Variants in PRKCB observed in about 807,000 individuals in gnomAD.
The protein encoded by PRKCB is protein kinase C beta type.
PRKCB carries 13 observed loss-of-function variants against 81.5 expected under a neutral mutation model. That is an observed-to-expected ratio of 0.16 (90% CI 0.10 to 0.25). The LOEUF (loss-of-function observed/expected upper bound fraction) is 0.25. Ranked by LOEUF, PRKCB falls within the 10% of genes least tolerant of loss-of-function variation. The probability of loss-of-function intolerance (pLI) is 1.00; values close to 1 mark genes in which losing one functional copy is unlikely to be tolerated. For missense variants in PRKCB, 509 were observed against 875.7 expected (o/e 0.58, Z 5.29); for synonymous variants, 335 against 321.4 (o/e 1.04, Z -0.45).
chr16:23,870,872 G>A (rs1962890855), intron 2 of PRKCB, among the ~76,000 whole-genome samples: 1 of 152,174 alleles, frequency 6.6e-6, no homozygotes, highest in African/African-American at 2.4e-5. Flanking sequence ...TTGCTCGTGT[G>A]TCTTTGGTCA....
In PRKCB at chr16:24,166,951, C is replaced by T. The variant is rs192352180; in HGVS notation, c.1240-5319C>T. On this transcript the variant is annotated intron_variant, in intron 10 of 16. Coordinates refer to ENST00000643927, the MANE Select transcript of PRKCB (RefSeq NM_002738.7). ...GAGCGATCCCCTGATGTGGGGATTC[C>T]GACTAATGAGTCTGGGGGGCAAGCC... is the stretch of plus-strand genomic sequence containing the variant. Among the ~76,000 whole-genome samples the T allele has an allele frequency of 1.5e-3, 228 of 152,040 alleles. 3 individuals are homozygous for T. The highest frequency in any genetic ancestry group is 0.014 in the Middle Eastern group (4 of 294).
At chr16:24,197,372 T>C (rs984604328) in intron 16 of PRKCB, among the ~76,000 whole-genome samples, 2 of 151,926 alleles carry the variant, frequency 1.3e-5, no homozygotes, top group African/African-American at 4.8e-5. Context: ...TGTATATATC[T>C]GGGTGAGGGG....
intron 2 of PRKCB, among the ~76,000 whole-genome samples, chr16:23,867,850 C>G (rs979863687): frequency 1.3e-5 from 2 of 152,166 alleles, no homozygotes; most frequent in Non-Finnish European, 2.9e-5. Flanking sequence ...GCTAACTTTT[C>G]CCTGTTAGCC....
chr16:23,857,114 T>C (rs2141087177), intron 2 of PRKCB, among the ~76,000 whole-genome samples: 1 of 152,340 alleles, frequency 6.6e-6, no homozygotes, highest in South Asian at 2.1e-4. Flanking sequence ...CTTTCAGCTT[T>C]AACATATCAC....
intron 5 of PRKCB, among the ~76,000 whole-genome samples, chr16:24,036,769 C>A (rs758886478): frequency 6.6e-6 from 1 of 152,084 alleles, no homozygotes; most frequent in Non-Finnish European, 1.5e-5. Context: ...GGGGAAATCC[C>A]GCAGTTTCAG....
chr16:24,217,666 C>CG lies in PRKCB; in HGVS notation c.*2854dup, dbSNP rs1164631607. The CG allele has an allele frequency of 9.7e-5, 96 of 985,390 alleles. No individual in the cohort carries two copies. The highest frequency in any genetic ancestry group is 1.1e-4 in the Non-Finnish European group (92 of 830,034). The allele number at this position is 985,390 out of a possible 1,614,324, so 61.0% of individuals were successfully genotyped here. A position where few individuals can be genotyped will look rare whatever the true frequency, so the allele number is the denominator to read the frequency against. On this transcript the variant is annotated 3_prime_UTR_variant, in exon 17 of 17. Transcript: ENST00000643927. The stretch of plus-strand genomic sequence containing the variant: ...CATTAGCCATCACCAGCACAACAAA[C>CG]GGGGCAGGGCTTTCCAAGGTGGGGC...
chr16:23,859,892 A>AGAGC lies in PRKCB; in HGVS notation c.205+22489_205+22490insCGAG, dbSNP rs1221601907. Among the ~76,000 whole-genome samples the AGAGC allele has an allele frequency of 3.4e-4, 51 of 151,648 alleles. No individual in the cohort carries two copies. In the East Asian group the frequency reaches 8.9e-3, roughly 27 times the overall value. The stretch of plus-strand genomic sequence containing the variant: ...AGGAGAGAGAGAGAGAGAAAGAGAG[A>AGAGC]GAGAGAAAGAGAGAGAGCGAGAGAG... On this transcript the variant is annotated intron_variant, in intron 2 of 16. Transcript: ENST00000643927.
rs1968240053 is a variant in PRKCB at position 24,217,115 on chromosome 16, AAAG to A, written c.*2303_*2305del. The stretch of plus-strand genomic sequence containing the variant: ...AAGAAAGGAAAGAAAGAAGAAAAAG[AAAG>A]AAGGAAAGAAAGAAAGAGAAAGGAA... On this transcript the variant is annotated 3_prime_UTR_variant, in exon 17 of 17. Transcript: ENST00000643927. 1.0e-6 allele frequency: 1 copy of A among 984,120 alleles called. No homozygotes were observed. The highest frequency in any genetic ancestry group is 1.2e-6 in the Non-Finnish European group (1 of 828,874). The allele number at this position is 984,120 out of a possible 1,614,324, so 61.0% of individuals were successfully genotyped here. A position where few individuals can be genotyped will look rare whatever the true frequency, so the allele number is the denominator to read the frequency against.
At position 24,217,746 on chromosome 16, in the gene PRKCB, G is replaced by T; in HGVS notation, c.*2930G>T. 2.7e-5 allele frequency: 27 copies of T among 985,440 alleles called. No individual in the cohort carries two copies. The highest frequency in any genetic ancestry group is 3.1e-5 in the Non-Finnish European group (26 of 829,964). The allele number at this position is 985,440 out of a possible 1,614,324, so 61.0% of individuals were successfully genotyped here. A position where few individuals can be genotyped will look rare whatever the true frequency, so the allele number is the denominator to read the frequency against. ...CCACAGGCAGGGAAAGCGAAATAGG[G>T]TTGATGAGACCAGGGGAGACCTAAA... On this transcript the variant is annotated 3_prime_UTR_variant, in exon 17 of 17. Coordinates refer to ENST00000643927, the MANE Select transcript of PRKCB (RefSeq NM_002738.7).
chr16:24,082,288 G>A (rs972952661), intron 5 of PRKCB, among the ~76,000 whole-genome samples: 5 of 152,160 alleles, frequency 3.3e-5, no homozygotes, highest in Admixed American at 2.6e-4. Flanking sequence ...CAAGTCTTAC[G>A]ATTGATTTGT....
chr16:24,170,130 C>A (rs779752915), intron 10 of PRKCB, among the ~76,000 whole-genome samples: 1 of 151,958 alleles, frequency 6.6e-6, no homozygotes, highest in Non-Finnish European at 1.5e-5. Context: ...GCATTTATTG[C>A]CTTTTCTGTG....
intron 16 of PRKCB, among the ~76,000 whole-genome samples, chr16:24,210,275 G>C (rs1322954849): frequency 6.6e-6 from 1 of 152,090 alleles, no homozygotes; most frequent in Non-Finnish European, 1.5e-5. Context: ...TGGCCCCTTG[G>C]TCACTCTGCT....
intron 2 of PRKCB, among the ~76,000 whole-genome samples, chr16:23,972,919 GTAATAGC>G (rs1397031116): frequency 6.6e-6 from 1 of 152,212 alleles, no homozygotes; most frequent in African/African-American, 2.4e-5. Context: ...AACAACAATA[GTAATAGC>G]TAATATTTAT....
At chr16:23,852,392 T>C (rs1337232466) in intron 2 of PRKCB, among the ~76,000 whole-genome samples, 1 of 152,254 alleles carries the variant, frequency 6.6e-6, no homozygotes, top group Admixed American at 6.5e-5. Flanking sequence ...TTTTATCCTT[T>C]ATTTTGTTAA....
At chr16:24,177,826 G>T (rs1967558203) in intron 12 of PRKCB, among the ~76,000 whole-genome samples, 1 of 152,054 alleles carries the variant, frequency 6.6e-6, no homozygotes, top group South Asian at 2.1e-4. Flanking sequence ...CTCTTAATCT[G>T]GTTCTTCAGT....
chr16:23,879,673 T>C (rs1963074890), intron 2 of PRKCB, among the ~76,000 whole-genome samples: 3 of 152,074 alleles, frequency 2.0e-5, no homozygotes, highest in Admixed American at 2.0e-4. Flanking sequence ...TTTGTATTTT[T>C]AGTAGAGACG....
chr16:23,911,793 C>T (rs1050050274), intron 2 of PRKCB, among the ~76,000 whole-genome samples: 9 of 150,412 alleles, frequency 6.0e-5, no homozygotes, highest in African/African-American at 1.2e-4. Context: ...AAGATACTGC[C>T]GTTTGTCTTG....
At chr16:24,106,356 T>C (rs544366546) in intron 7 of PRKCB, among the ~76,000 whole-genome samples, 3 of 152,310 alleles carry the variant, frequency 2.0e-5, no homozygotes, top group Non-Finnish European at 4.4e-5. Flanking sequence ...TTATTGTTAA[T>C]TGAATAATTA....
chr16:24,136,096 GTTTT>G (rs1555498950), intron 9 of PRKCB, among the ~76,000 whole-genome samples: 1 of 118,072 alleles, frequency 8.5e-6, no homozygotes, highest in African/African-American at 3.8e-5. Context: ...ATTGCAGCGT[GTTTT>G]TTTTTTTTTT....
Sources: allele counts gnomAD v4.1 joint callset (sites outside exome capture counted in the v4.1 genomes callset), GRCh38; gene constraint gnomAD v4.1.1; transcripts MANE v1.5; gene names NCBI Gene and HGNC (gene_info 2026-07-23, HGNC 2026-07-21).